The following ELAPOR2 variants were observed in gnomAD, a reference collection of about 807,000 sequenced individuals.
ELAPOR2 encodes the protein endosome/lysosome-associated apoptosis and autophagy regulator family member 2.
ELAPOR2 carries 89 observed loss-of-function variants against 120.7 expected under a neutral mutation model. The observed-to-expected ratio is 0.74, with a 90% CI of 0.62 to 0.88. The LOEUF (loss-of-function observed/expected upper bound fraction) is 0.88. ELAPOR2 is among the 40% of genes least tolerant of loss of function. ELAPOR2 has a pLI of 0.00. For missense variants in ELAPOR2, 1,134 were observed against 1,251.6 expected, an observed-to-expected ratio of 0.91 and a Z score of 1.42; for synonymous variants, 444 against 444.9, an observed-to-expected ratio of 1.00 and a Z score of 0.03.
At chr7:86,970,125 T>G (rs1792056415) in intron 1 of ELAPOR2, among the ~76,000 whole-genome samples, 1 of 152,116 alleles carries the variant, frequency 6.6e-6, no homozygotes, top group Non-Finnish European at 1.5e-5. Context: ...AAACTGCCAA[T>G]GAGAAAATCA....
chr7:87,059,125 C>T (rs115623385), intron 1 of ELAPOR2, among the ~76,000 whole-genome samples, 200 bp downstream of exon 1: 1,909 of 152,142 alleles, frequency 0.013, 40 homozygotes, highest in African/African-American at 0.043. Context: ...AAGCATCCCC[C>T]GAGAGACAGC....
At chr7:86,912,913 G>C in intron 14 of ELAPOR2, 28 bp downstream of exon 14, 4 of 1,607,546 alleles carry the variant, frequency 2.5e-6, no homozygotes, top group Non-Finnish European at 3.4e-6. Flanking sequence ...TGCTTTCATG[G>C]GGATACCTGA....
chr7:86,914,850 C>T lies in ELAPOR2; in HGVS notation c.1604G>A (p.Arg535Lys). The T allele has an allele frequency of 1.2e-6, 2 of 1,608,258 alleles. No homozygotes were observed. ...CGATTCTACCACATTTGTACTTTTTCTATTAATATCCTGAAATATAGTGGA... is the reference window on the plus strand; with the variant it reads ...CGATTCTACCACATTTGTACTTTTTTTATTAATATCCTGAAATATAGTGGA... ...CVLYFMVDIN[R>K]KSTNVVESWG... Residue 535 changes from arginine to lysine, a missense_variant, in exon 13 of 22, where the codon AGA becomes AAA. Physicochemically the swap from Arg to Lys is conservative, Grantham distance 26. Around this residue, in one of 3 missense-constraint regions of ELAPOR2, gnomAD observed 831 missense variants for 867.6 expected, o/e 0.96. Coordinates refer to ENST00000450689, the MANE Select transcript of ELAPOR2 (RefSeq NM_001142749.3).
intron 1 of ELAPOR2, among the ~76,000 whole-genome samples, chr7:87,027,422 A>G (rs1326559179): frequency 6.6e-6 from 1 of 152,190 alleles, no homozygotes; most frequent in Non-Finnish European, 1.5e-5. Flanking sequence ...AAGTGTCATT[A>G]GAATAAAACT....
intron 1 of ELAPOR2, among the ~76,000 whole-genome samples, chr7:87,040,564 G>T (rs1794749647): frequency 6.6e-6 from 1 of 152,034 alleles, no homozygotes; most frequent in Admixed American, 6.5e-5. Context: ...CTGTCTGTTA[G>T]AAGGAAAACT....
chr7:86,887,625 T>A (rs1277562893), intron 21 of ELAPOR2, among the ~76,000 whole-genome samples: 1 of 152,082 alleles, frequency 6.6e-6, no homozygotes, highest in East Asian at 1.9e-4. Flanking sequence ...AAGCTACCCA[T>A]AAATTAGTTG....
chr7:86,999,532 G>C (rs1355871489), intron 1 of ELAPOR2, among the ~76,000 whole-genome samples: 2 of 152,142 alleles, frequency 1.3e-5, no homozygotes, highest in African/African-American at 4.8e-5. Flanking sequence ...AAAATGATTT[G>C]AAGTAGGAAA....
At chr7:86,999,217 T>C (rs1583972986) in intron 1 of ELAPOR2, among the ~76,000 whole-genome samples, 2 of 152,126 alleles carry the variant, frequency 1.3e-5, no homozygotes, top group East Asian at 3.8e-4. Context: ...GGCTACATAA[T>C]AACATCAAAC....
At chr7:87,024,083 C>T (rs1382092566) in intron 1 of ELAPOR2, among the ~76,000 whole-genome samples, 2 of 152,120 alleles carry the variant, frequency 1.3e-5, no homozygotes, top group Non-Finnish European at 2.9e-5. Flanking sequence ...ATTGCCCTGG[C>T]CAGAACTTCC....
At chr7:87,021,252 T>C (rs549450084) in intron 1 of ELAPOR2, among the ~76,000 whole-genome samples, 1 of 152,270 alleles carries the variant, frequency 6.6e-6, no homozygotes, top group Admixed American at 6.5e-5. Context: ...TAGAGCTTTA[T>C]ATGTGAAATA....
At chr7:86,981,925 C>G (rs1633456) in intron 1 of ELAPOR2, among the ~76,000 whole-genome samples, 57,598 of 152,122 alleles carry the variant, frequency 0.38, 11,768 homozygotes, top group African/African-American at 0.53. Context: ...CCATGACAGA[C>G]TGTATCTGGA....
intron 1 of ELAPOR2, among the ~76,000 whole-genome samples, chr7:86,990,938 G>C (rs147710993): frequency 4.6e-5 from 7 of 152,298 alleles, no homozygotes; most frequent in African/African-American, 1.7e-4. Context: ...AGCTTGGAAA[G>C]CAGGTCTGTC....
rs758365555 is a variant in ELAPOR2, at chr7:86,912,227, T to C, written c.2014A>G (p.Ser672Gly). Residue 672 changes from serine to glycine, a missense_variant, in exon 15 of 22, where the codon AGT becomes GGT. This residue lies in a region of ELAPOR2 where 831 missense variants were observed against 867.6 expected (regional missense o/e 0.96). Coordinates refer to ENST00000450689, the MANE Select transcript of ELAPOR2 (RefSeq NM_001142749.3). ...KNNQDHSVCY[S>G]DCFFYHEKEN... ...TTTTCATGGTAGAAAAAGCAGTCAC[T>C]ATAGCAAACCGAATGGTCCTTTGAT... The C allele has an allele frequency of 6.3e-7, 1 of 1,596,046 alleles. No individual in the cohort carries two copies. The highest frequency in any genetic ancestry group is 8.6e-7 in the Non-Finnish European group (1 of 1,165,382).
At chr7:86,892,645 A>T (rs1457178559) in intron 20 of ELAPOR2, among the ~76,000 whole-genome samples, 3 of 152,092 alleles carry the variant, frequency 2.0e-5, no homozygotes, top group African/African-American at 7.2e-5. Context: ...CAGCTCTGCT[A>T]TCATCTACCT....
At chr7:86,955,975 G>A (rs1257627905) in intron 2 of ELAPOR2, among the ~76,000 whole-genome samples, 4 of 147,940 alleles carry the variant, frequency 2.7e-5, no homozygotes, top group Non-Finnish European at 3.0e-5. Flanking sequence ...AAAAGGAAAA[G>A]AAAAGAAAAA....
chr7:87,008,420 T>A (rs1211276591), intron 1 of ELAPOR2, among the ~76,000 whole-genome samples: 1 of 152,180 alleles, frequency 6.6e-6, no homozygotes, highest in Non-Finnish European at 1.5e-5. Flanking sequence ...GTTATAAAGG[T>A]CATCATTGAA....
chr7:86,944,560 C>T (rs1790926125), intron 4 of ELAPOR2, among the ~76,000 whole-genome samples: 1 of 152,104 alleles, frequency 6.6e-6, no homozygotes, highest in African/African-American at 2.4e-5. Context: ...AGAATACTAT[C>T]TGTAGCTACT....
intron 1 of ELAPOR2, among the ~76,000 whole-genome samples, chr7:87,009,841 CG>C (rs992151897): frequency 2.0e-5 from 3 of 152,306 alleles, no homozygotes; most frequent in African/African-American, 7.2e-5. Flanking sequence ...CACAGTACAA[CG>C]AGGGTTATTT....
chr7:86,890,718 T>C (rs909255282), intron 21 of ELAPOR2, among the ~76,000 whole-genome samples: 1 of 152,052 alleles, frequency 6.6e-6, no homozygotes, highest in African/African-American at 2.4e-5. Context: ...ATAATCACTA[T>C]TTTTTTGTTA....
Sources: gnomAD v4.1 joint callset for allele counts (sites outside exome capture counted in the v4.1 genomes callset) on GRCh38, gnomAD v4.1.1 for gene constraint, gnomAD v4.1.1 regional missense constraint, MANE v1.5 for transcripts, NCBI Gene and HGNC (gene_info 2026-07-23, HGNC 2026-07-21) for gene names.